Variants in AK5 observed in about 807,000 individuals in gnomAD.
AK5 encodes adenylate kinase isoenzyme 5.
Under a neutral mutation model 69.5 loss-of-function variants are expected in AK5, and 27 were observed. The ratio of observed to expected loss-of-function variants is 0.39; its 90% CI spans 0.29 to 0.54. The LOEUF is 0.54. Ranked by LOEUF, AK5 falls within the 20% of genes least tolerant of loss-of-function variation. The pLI is 0.71. For missense variants in AK5, 531 were observed against 700.4 expected, an observed-to-expected ratio of 0.76 and a Z score of 2.73; for synonymous variants, 260 against 244.4, an observed-to-expected ratio of 1.06 and a Z score of -0.60.
chr1:77,306,549 T>A (rs988619016), intron 5 of AK5, among the ~76,000 whole-genome samples: 3 of 149,498 alleles, frequency 2.0e-5, no homozygotes, highest in Non-Finnish European at 4.4e-5. Context: ...AGACATTGGC[T>A]CTTAGTTTTC....
intron 6 of AK5, among the ~76,000 whole-genome samples, chr1:77,344,519 A>G (rs1233407977): frequency 6.6e-6 from 1 of 152,194 alleles, no homozygotes; most frequent in Non-Finnish European, 1.5e-5. Context: ...TGCTGGATCT[A>G]GGAAAGCTAC....
At chr1:77,449,894 C>A (rs1181029822) in intron 8 of AK5, among the ~76,000 whole-genome samples, 1 of 152,162 alleles carries the variant, frequency 6.6e-6, no homozygotes, top group Non-Finnish European at 1.5e-5. Context: ...TTTTCTATTG[C>A]AATGTCATGC....
intron 5 of AK5, among the ~76,000 whole-genome samples, chr1:77,299,144 C>T (rs1321244165): frequency 6.6e-6 from 1 of 151,940 alleles, no homozygotes; most frequent in Non-Finnish European, 1.5e-5. Flanking sequence ...CAACCAGATA[C>T]GATTCATGTT....
chr1:77,519,608 A>C (rs774555835), intron 11 of AK5, among the ~76,000 whole-genome samples: 10 of 152,278 alleles, frequency 6.6e-5, no homozygotes, highest in Non-Finnish European at 1.3e-4. Flanking sequence ...TGGACAAAGC[A>C]GCCCCAAGGG....
intron 8 of AK5, among the ~76,000 whole-genome samples, chr1:77,438,739 T>C (rs1402805739): frequency 6.6e-6 from 1 of 152,124 alleles, no homozygotes; most frequent in African/African-American, 2.4e-5. Context: ...AAACTAGGCA[T>C]GCAGACCAAA....
chr1:77,304,700 C>T (rs370308565), intron 5 of AK5, among the ~76,000 whole-genome samples: 10 of 152,204 alleles, frequency 6.6e-5, no homozygotes, highest in African/African-American at 1.4e-4. Flanking sequence ...CCACCATGCC[C>T]GGCCTTATGT....
chr1:77,404,032 TC>T (rs1367810177), intron 6 of AK5, among the ~76,000 whole-genome samples: 1 of 152,204 alleles, frequency 6.6e-6, no homozygotes, highest in Non-Finnish European at 1.5e-5. Context: ...TAAGTTGGAT[TC>T]CTAGGTATTT....
chr1:77,358,704 A>C (rs1252462900), intron 6 of AK5, among the ~76,000 whole-genome samples: 2 of 152,152 alleles, frequency 1.3e-5, no homozygotes, highest in Non-Finnish European at 2.9e-5. Flanking sequence ...TAGCTCTTTC[A>C]ATTTGAAAAT....
At chr1:77,372,157 GAAT>G (rs1250646536) in intron 6 of AK5, among the ~76,000 whole-genome samples, 9 of 151,034 alleles carry the variant, frequency 6.0e-5, no homozygotes, top group African/African-American at 9.7e-5. Flanking sequence ...ACCAGACCTT[GAAT>G]AATAACACTA....
intron 10 of AK5, among the ~76,000 whole-genome samples, chr1:77,490,641 C>T (rs2100736121): frequency 6.6e-6 from 1 of 152,260 alleles, no homozygotes; most frequent in East Asian, 1.9e-4. Flanking sequence ...CACTGATATA[C>T]AAGACAGGAG....
At chr1:77,489,339 G>A (rs1655830956) in intron 10 of AK5, among the ~76,000 whole-genome samples, 1 of 152,160 alleles carries the variant, frequency 6.6e-6, no homozygotes, top group Admixed American at 6.5e-5. Flanking sequence ...AGAGATTTCA[G>A]CTTGCTGTTT....
chr1:77,305,181 T>C (rs542872034), intron 5 of AK5, among the ~76,000 whole-genome samples: 51 of 152,304 alleles, frequency 3.3e-4, no homozygotes, highest in African/African-American at 1.2e-3. Flanking sequence ...TTTGATTAGA[T>C]TTTTTTCTGT....
chr1:77,400,849 T>G (rs1456987055), intron 6 of AK5, among the ~76,000 whole-genome samples: 1 of 151,576 alleles, frequency 6.6e-6, no homozygotes, highest in African/African-American at 2.4e-5. Context: ...AGCCTTCAAG[T>G]GTTCTGTACT....
intron 8 of AK5, among the ~76,000 whole-genome samples, chr1:77,443,677 C>CCGTGTGTGTGTGTG (rs759759530): frequency 7.5e-6 from 1 of 134,042 alleles, no homozygotes; most frequent in African/African-American, 2.8e-5. Context: ...TGTGGGGAGT[C>CCGTGTGTGTGTGTG]TGTGTGTGTG....
intron 6 of AK5, among the ~76,000 whole-genome samples, chr1:77,373,867 A>G (rs1292384076): frequency 2.0e-5 from 3 of 152,212 alleles, no homozygotes. Flanking sequence ...TTTTGAAGTT[A>G]CCATATTCTT....
intron 12 of AK5, among the ~76,000 whole-genome samples, chr1:77,529,487 G>C (rs1433877313): frequency 6.6e-6 from 1 of 152,038 alleles, no homozygotes; most frequent in Non-Finnish European, 1.5e-5. Context: ...ACCACGTCCA[G>C]CTAATTTTTA....
chr1:77,322,842 G>A (rs1557495077), intron 5 of AK5, among the ~76,000 whole-genome samples: 1 of 152,122 alleles, frequency 6.6e-6, no homozygotes, highest in Non-Finnish European at 1.5e-5. Flanking sequence ...ATCCCAAAAT[G>A]CTCTGAGCAG....
chr1:77,427,865 A>C (rs1230097353), intron 8 of AK5, among the ~76,000 whole-genome samples: 1 of 152,274 alleles, frequency 6.6e-6, no homozygotes, highest in Non-Finnish European at 1.5e-5. Context: ...AAGCTAATGC[A>C]ATAAGACAAG....
chr1:77,475,216 T>C (rs1654785586), intron 8 of AK5, among the ~76,000 whole-genome samples: 1 of 144,094 alleles, frequency 6.9e-6, no homozygotes, highest in African/African-American at 2.6e-5. Flanking sequence ...TGTGTGTGTA[T>C]TCTATATACT....
Sources: gnomAD v4.1 joint callset for allele counts (sites outside exome capture counted in the v4.1 genomes callset) on GRCh38, gnomAD v4.1.1 for gene constraint, MANE v1.5 for transcripts, NCBI Gene and HGNC (gene_info 2026-07-23, HGNC 2026-07-21) for gene names.